NIN: variants seen among roughly 807,000 people sequenced by gnomAD.
The protein encoded by NIN is glycogen synthase kinase 3 beta-interacting protein.
A neutral mutation model predicts 257.6 loss-of-function variants in NIN; 137 were observed. That is an observed-to-expected ratio of 0.53 (90% confidence interval 0.46 to 0.61). The LOEUF is 0.61. NIN is among the 20% of genes least tolerant of loss of function. The pLI is 0.00. For missense variants in NIN, 2,439 were observed against 2,501.2 expected (o/e 0.98, Z 0.53); for synonymous variants, 918 against 919.8 (o/e 1.00, Z 0.04).
chr14:50,739,220 G>A (rs2041151575), intron 26 of NIN, 88 bp downstream of exon 26: 1 of 1,299,244 alleles, frequency 7.7e-7, no homozygotes, highest in South Asian at 1.3e-5. Context: ...CCATACCTTA[G>A]AACCATTCCA....
intron 9 of NIN, 151 bp downstream of exon 9, chr14:50,772,150 C>G: frequency 1.5e-6 from 1 of 689,344 alleles, no homozygotes; most frequent in Non-Finnish European, 2.3e-6. Context: ...GTTAAAAGGG[C>G]TAAAAAAAAA....
intron 12 of NIN, among the ~76,000 whole-genome samples, chr14:50,769,164 G>A (rs963837638): frequency 6.6e-6 from 1 of 152,174 alleles, no homozygotes; most frequent in Admixed American, 6.5e-5. Context: ...CACTGTATGT[G>A]CCTCATCTCA....
rs1035343884 is a variant in NIN at position 50,753,396 on chromosome 14, G to A, written c.4735-663C>T. ...GCCTGGGCAACAAGAGCGAAACTCC[G>A]TCTCAAAAGGAAAAAAGACTCTTTC... is the stretch of plus-strand genomic sequence containing the variant. On this transcript the variant is annotated intron_variant, in intron 20 of 30. Transcript: ENST00000530997. Among the ~76,000 whole-genome samples the A allele has an allele frequency of 3.9e-5, 6 of 152,002 alleles. No homozygotes were observed. The East Asian group carries it at 5.8e-4, about 15-fold the overall frequency.
intron 3 of NIN, among the ~76,000 whole-genome samples, chr14:50,815,775 C>T (rs1345839302): frequency 2.6e-5 from 4 of 152,018 alleles, no homozygotes; most frequent in Non-Finnish European, 5.9e-5. Context: ...TTTGGGAGGA[C>T]GAGGTGGGCG....
chr14:50,777,430 C>T (rs2042966047), intron 6 of NIN, among the ~76,000 whole-genome samples: 1 of 152,188 alleles, frequency 6.6e-6, no homozygotes, highest in Admixed American at 6.5e-5. Context: ...CAGCTGAGCA[C>T]ATCACAAGCT....
chr14:50,827,392 A>G (rs922402713), intron 2 of NIN, among the ~76,000 whole-genome samples: 3 of 152,200 alleles, frequency 2.0e-5, no homozygotes, highest in Admixed American at 6.5e-5. Context: ...TGTGAATGAA[A>G]TCATGATACA....
intron 6 of NIN, 100 bp from the exon 7 acceptor site, chr14:50,777,239 GA>G: frequency 1.1e-6 from 1 of 908,678 alleles, no homozygotes; most frequent in East Asian, 2.5e-5. Flanking sequence ...AATACTGTAA[GA>G]AAAAGGCAAT....
At chr14:50,766,505 G>C in intron 13 of NIN, 109 bp from the exon 14 acceptor site, 1 of 961,868 alleles carries the variant, frequency 1.0e-6, no homozygotes, top group Non-Finnish European at 1.7e-6. Context: ...AGTATGATAG[G>C]AATGTGACAT....
At chr14:50,799,268 C>T (rs1486023675) in intron 4 of NIN, among the ~76,000 whole-genome samples, 2 of 152,128 alleles carry the variant, frequency 1.3e-5, no homozygotes, top group African/African-American at 2.4e-5. Flanking sequence ...AAACAATAGG[C>T]GCTTCATGGA....
chr14:50,729,605 C>T lies in NIN; in HGVS notation c.5996G>A (p.Arg1999His), dbSNP rs141405524. Residue 1999 changes from arginine (R) to histidine (H), a missense_variant, in exon 29 of 31, where the codon CGC (arginine) becomes CAC (histidine). Physicochemically the swap from Arg to His is conservative, Grantham distance 29. Transcript: ENST00000530997. The stretch of plus-strand genomic sequence containing the variant: ...TATCCTTTCTGCCTGCAGCAGCTGG[C>T]GTTGAAGCTGCAGAAACTGCTCCCT... ...VPREQFLQLQ[R>H]QLLQAERINQ... The T allele has an allele frequency of 9.8e-4, 1,580 of 1,613,962 alleles. 2 individuals are homozygous for T. The highest frequency in any genetic ancestry group is 1.0e-3 in the Admixed American group (60 of 60,012).
chr14:50,731,494 G>A (rs1420134152), intron 28 of NIN, among the ~76,000 whole-genome samples: 1 of 137,402 alleles, frequency 7.3e-6, no homozygotes, highest in African/African-American at 2.8e-5. Flanking sequence ...TCACACCAAT[G>A]CACTCCAGCC....
At chr14:50,735,376 C>G (rs1040231470) in intron 28 of NIN, 140 bp downstream of exon 28, 1 of 1,235,860 alleles carries the variant, frequency 8.1e-7, no homozygotes, top group East Asian at 2.7e-5. Context: ...CTTGGTAAGG[C>G]GGACCAAAGA....
At position 50,729,685 on chromosome 14, in the gene NIN, G is replaced by A. The variant is rs779594382; in HGVS notation, c.5916C>T (p.Ser1972=). 4 of 1,612,788 alleles carry A rather than the reference G, an allele frequency of 2.5e-6. No individual in the cohort carries two copies. The South Asian group carries it at 4.4e-5, about 18-fold the overall frequency. Residue 1972 remains serine, a synonymous_variant, in exon 29 of 31, where the codon TCC becomes TCT. Transcript: ENST00000530997. ...GCAGCTGCAAATCCCAAGCATGAGG[G>A]GACGGGCTAGGCGTCGCAGTGGACC... The part of the protein sequence containing the change: ...HLRSTATPSP[S]PHAWDLQLLQ...
chr14:50,769,478 T>C (rs1468672718), intron 12 of NIN, among the ~76,000 whole-genome samples: 10 of 151,672 alleles, frequency 6.6e-5, no homozygotes, highest in Non-Finnish European at 2.9e-5. Context: ...CTAGGCATCA[T>C]AATGAGACCC....
In NIN at chr14:50,759,924, T is replaced by A. The variant is rs2140859061; in HGVS notation, c.2332A>T (p.Thr778Ser). The change falls in exon 17 of 31, where the codon ACT becomes TCT. Residue 778 changes from threonine (T) to serine (S), a missense_variant. Thr to Ser is a moderately conservative substitution (Grantham distance 58). This residue lies in a region of NIN where 2,043 missense variants were observed against 2,050.2 expected (regional missense o/e 1.00). Transcript: ENST00000530997. ...EQLTSLVEKHTLEKEELRKEL... is the reference protein window; with the variant it reads ...EQLTSLVEKHSLEKEELRKEL... ...TTTCTTAACTCCTCTTTCTCAAGAG[T>A]GTGTTTCTCCACCAGGCTTGTCAGC... 2 of 1,614,090 alleles carry A rather than the reference T, an allele frequency of 1.2e-6. No homozygotes were observed. The highest frequency in any genetic ancestry group is 4.5e-5 in the East Asian group (2 of 44,878).
chr14:50,813,348 T>C (rs965466738), intron 3 of NIN, among the ~76,000 whole-genome samples: 2 of 152,230 alleles, frequency 1.3e-5, no homozygotes, highest in Non-Finnish European at 2.9e-5. Flanking sequence ...ATTGCTGCCA[T>C]TCATTTTACA....
intron 15 of NIN, among the ~76,000 whole-genome samples, chr14:50,763,151 G>C (rs2042337751): frequency 6.6e-6 from 1 of 151,926 alleles, no homozygotes. Flanking sequence ...AATAGCACTG[G>C]GGAAAGTTAT....
chr14:50,808,202 T>C (rs1382823460), intron 3 of NIN, among the ~76,000 whole-genome samples: 1 of 151,904 alleles, frequency 6.6e-6, no homozygotes, highest in African/African-American at 2.4e-5. Context: ...TGTAGAAAGG[T>C]AGGCTATGTT....
rs561374627 is a variant in NIN, at chr14:50,812,430, A to C, written c.184-5612T>G. On this transcript the variant is annotated intron_variant, in intron 3 of 30. Coordinates refer to ENST00000530997, the MANE Select transcript of NIN (RefSeq NM_020921.4). ...AAATCCTCAACTTTCACACGAAGCC[A>C]CCAGGTGTAAAGCACACACCAAGTA... is the stretch of plus-strand genomic sequence containing the variant. 2.6e-5 allele frequency among the ~76,000 whole-genome samples: 4 copies of C among 152,342 alleles called. No individual in the cohort carries two copies. The East Asian group carries it at 7.7e-4, about 29-fold the overall frequency.
Sources: allele counts gnomAD v4.1 joint callset (sites outside exome capture counted in the v4.1 genomes callset), GRCh38; gene constraint gnomAD v4.1.1; regional missense constraint gnomAD v4.1.1; transcripts MANE v1.5; gene names NCBI Gene and HGNC (gene_info 2026-07-23, HGNC 2026-07-21).